Variants in CHL1 observed in about 807,000 individuals in gnomAD.
CHL1 encodes the protein neural cell adhesion molecule L1-like protein.
A neutral mutation model predicts 141.9 loss-of-function variants in CHL1; 96 were observed. That is an observed-to-expected ratio of 0.68 (90% confidence interval 0.57 to 0.80). The LOEUF is 0.80. CHL1 is among the 30% of genes least tolerant of loss of function. The pLI, the probability that CHL1 is intolerant of heterozygous loss-of-function variation, is 0.00. For synonymous variants in CHL1, 613 were observed against 502.2 expected (o/e 1.22, Z -2.95); for missense variants, 1,820 against 1,457.2 (o/e 1.25, Z -4.05).
intron 2 of CHL1, among the ~76,000 whole-genome samples, chr3:314,631 G>A (rs1047020998): frequency 4.0e-5 from 6 of 151,854 alleles, no homozygotes; most frequent in African/African-American, 7.3e-5. Flanking sequence ...GCCATTTTAC[G>A]TTTAGTGGCT....
At chr3:263,404 G>A (rs1177853703) in intron 2 of CHL1, among the ~76,000 whole-genome samples, 2 of 151,912 alleles carry the variant, frequency 1.3e-5, no homozygotes, top group East Asian at 3.9e-4. Flanking sequence ...TGATGGTTCT[G>A]AATTTTGTCA....
At chr3:328,098 A>G (rs905052154) in intron 4 of CHL1, 69 bp from the exon 5 acceptor site, 23 of 1,208,958 alleles carry the variant, frequency 1.9e-5, no homozygotes, top group Non-Finnish European at 2.7e-5. Flanking sequence ...ATTTTATGCA[A>G]TTGTTAATAA....
chr3:338,328 AT>A (rs1472931951), intron 5 of CHL1, among the ~76,000 whole-genome samples: 1 of 152,206 alleles, frequency 6.6e-6, no homozygotes, highest in Non-Finnish European at 1.5e-5. Context: ...ACCGAAAAAA[AT>A]ATTTTTTTAA....
intron 1 of CHL1, among the ~76,000 whole-genome samples, chr3:198,421 C>T (rs1226970601): frequency 2.0e-5 from 3 of 152,104 alleles, no homozygotes; most frequent in Non-Finnish European, 4.4e-5. Flanking sequence ...AACTGGTGGG[C>T]CCCCCGGGCT....
chr3:347,782 T>C (rs1374106168), intron 9 of CHL1, among the ~76,000 whole-genome samples: 1 of 152,208 alleles, frequency 6.6e-6, no homozygotes, highest in African/African-American at 2.4e-5. Context: ...CAGCAGCTAA[T>C]ATGCTCTCAC....
intron 2 of CHL1, among the ~76,000 whole-genome samples, chr3:303,353 T>C (rs550635629): frequency 6.6e-6 from 1 of 152,356 alleles, no homozygotes; most frequent in African/African-American, 2.4e-5. Flanking sequence ...ATTTTCACAA[T>C]ATTGATTCTT....
At chr3:267,934 GTT>G (rs974371887) in intron 2 of CHL1, among the ~76,000 whole-genome samples, 1 of 152,152 alleles carries the variant, frequency 6.6e-6, no homozygotes, top group African/African-American at 2.4e-5. Flanking sequence ...TTAGCAATGA[GTT>G]TGATCAGCTT....
intron 2 of CHL1, among the ~76,000 whole-genome samples, chr3:260,959 C>T (rs769845915): frequency 2.0e-5 from 3 of 152,140 alleles, no homozygotes; most frequent in Admixed American, 6.5e-5. Flanking sequence ...GAAGCCATTC[C>T]GTCGGCCTTA....
rs754277754 is a variant in CHL1 at position 398,346 on chromosome 3, G to A, written c.3214G>A (p.Asp1072Asn). ...RLMTKNWGDN[D>N]SIFQDVIETR... ...AATGACTAAGAATTGGGGCGATAAT[G>A]ATAGCATTTTTCAAGATGTAATTGA... Residue 1072 changes from aspartate (D) to asparagine (N), a missense_variant, in exon 25 of 28, where the codon GAT becomes AAT. Asp to Asn is a conservative substitution (Grantham distance 23). Transcript: ENST00000256509. The A allele has an allele frequency of 5.6e-6, 9 of 1,604,556 alleles. No individual in the cohort carries two copies. The highest frequency in any genetic ancestry group is 1.7e-4 in the Middle Eastern group (1 of 6,050).
At chr3:281,243 C>T (rs759335035) in intron 2 of CHL1, among the ~76,000 whole-genome samples, 4 of 152,172 alleles carry the variant, frequency 2.6e-5, no homozygotes, top group Non-Finnish European at 5.9e-5. Context: ...AGTAATTGTG[C>T]AGTATCTCAT....
intron 2 of CHL1, among the ~76,000 whole-genome samples, chr3:304,042 T>C (rs1390354975): frequency 6.6e-6 from 1 of 152,202 alleles, no homozygotes; most frequent in East Asian, 1.9e-4. Context: ...GATTTGCATA[T>C]GTTGAACCAG....
intron 2 of CHL1, among the ~76,000 whole-genome samples, chr3:260,767 T>G (rs1007990939): frequency 6.6e-6 from 1 of 152,204 alleles, no homozygotes; most frequent in African/African-American, 2.4e-5. Flanking sequence ...GAAACTCTTA[T>G]TTCCCTATAA....
At chr3:242,442 A>G (rs1471839916) in intron 1 of CHL1, among the ~76,000 whole-genome samples, 3 of 136,514 alleles carry the variant, frequency 2.2e-5, no homozygotes, top group African/African-American at 5.5e-5. Flanking sequence ...TAAAAATACA[A>G]AAAATTATCC....
intron 2 of CHL1, among the ~76,000 whole-genome samples, chr3:257,263 A>G (rs564170706): frequency 6.6e-6 from 1 of 152,210 alleles, no homozygotes; most frequent in African/African-American, 2.4e-5. Flanking sequence ...TAATTCTTTC[A>G]ATATTTCAGG....
rs764779282 is a variant in CHL1 at position 386,968 on chromosome 3, TGTATAC to T, written c.2248-2283_2248-2278del. Among the ~76,000 whole-genome samples the T allele has an allele frequency of 8.0e-3, 1,216 of 152,310 alleles. 9 individuals carry two copies. The highest frequency in any genetic ancestry group is 0.031 in the Middle Eastern group (9 of 294). On this transcript the variant is annotated intron_variant, in intron 19 of 27. Transcript: ENST00000256509. ...GTAGCTCAATTTAGCCACTCCACAA[TGTATAC>T]ATATTTCAAAACATGTTGTACATAA...
At chr3:303,830 T>G (rs990125596) in intron 2 of CHL1, among the ~76,000 whole-genome samples, 1 of 152,214 alleles carries the variant, frequency 6.6e-6, no homozygotes, top group Non-Finnish European at 1.5e-5. Flanking sequence ...CTTCCAGTTT[T>G]TGCCCATTCA....
At chr3:383,738 T>G (rs910011353) in intron 18 of CHL1, 78 bp from the exon 19 acceptor site, 43 of 868,584 alleles carry the variant, frequency 5.0e-5, no homozygotes, top group Admixed American at 2.7e-4. Context: ...TCTGTGTTTT[T>G]GGGGGGCAGG....
At chr3:207,298 A>G (rs1318615329) in intron 1 of CHL1, among the ~76,000 whole-genome samples, 1 of 152,208 alleles carries the variant, frequency 6.6e-6, no homozygotes, top group African/African-American at 2.4e-5. Context: ...TTGGCTAGAC[A>G]GGAGATCCCA....
Position 405,855 on chromosome 3 carries a change from A to G in CHL1, c.*144A>G. 1.6e-6 allele frequency: 1 copy of G among 622,878 alleles called. No homozygotes were observed. The highest frequency in any genetic ancestry group is 2.8e-6 in the Non-Finnish European group (1 of 355,150). 38.6% of individuals were successfully genotyped at this position (622,878 alleles called of 1,614,324 possible). On this transcript the variant is annotated 3_prime_UTR_variant, in exon 28 of 28. Coordinates refer to ENST00000256509, the MANE Select transcript of CHL1 (RefSeq NM_006614.4). Reference sequence around the variant, plus strand: ...GTCAACATCCTGCAATTATGTTGAAAAGAGTAGTACTTTCTTCAAAATATA... The same window carrying G: ...GTCAACATCCTGCAATTATGTTGAAGAGAGTAGTACTTTCTTCAAAATATA...
Sources: allele counts gnomAD v4.1 joint callset (sites outside exome capture counted in the v4.1 genomes callset), GRCh38; gene constraint gnomAD v4.1.1; transcripts MANE v1.5; gene names NCBI Gene and HGNC (gene_info 2026-07-23, HGNC 2026-07-21).